The following PMM1 variants were observed in gnomAD, a reference collection of about 807,000 sequenced individuals.
PMM1 encodes the protein phosphomannomutase 1, also known as brain glucose-1,6-bisphosphatase.
In PMM1, 25 loss-of-function variants were observed where a neutral mutation model predicts 34.0. The ratio of observed to expected loss-of-function variants is 0.73; its 90% CI spans 0.54 to 1.03. The LOEUF is 1.03. Ranked by LOEUF, PMM1 falls within the 50% of genes least tolerant of loss-of-function variation. PMM1 has a pLI of 0.00. For synonymous variants in PMM1, 134 were observed against 143.9 expected (o/e 0.93, Z 0.49); for missense variants, 321 against 350.1 (o/e 0.92, Z 0.66).
In PMM1 at chr22:41,586,157, G is replaced by C; in HGVS notation, c.124C>G (p.Leu42Val). ...DPEVAAFLQK[L>V]RSRVQIGVVG... is the part of the protein sequence containing the mutation. ...ACACCGATCTGCACTCTACTTCGTA[G>C]CTTCTGCAGGAAGGCGGCCACCTCA... The change falls in exon 2 of 8, where the codon CTA becomes GTA. Residue 42 changes from leucine (L) to valine (V), a missense_variant. Transcript: ENST00000216259. 2 of 1,612,332 alleles carry C rather than the reference G, an allele frequency of 1.2e-6. No individual in the cohort carries two copies. Among genetic ancestry groups the C allele is most frequent in the Non-Finnish European group, 1.7e-6 (2 of 1,179,562 alleles).
rs1303980879 is a variant in PMM1, at chr22:41,577,459, C to G, written c.667-19G>C. 6.2e-7 allele frequency: 1 copy of G among 1,604,674 alleles called. No homozygotes were observed. The highest frequency in any genetic ancestry group is 1.7e-5 in the Admixed American group (1 of 59,148). Reference sequence around the variant, plus strand: ...TCCCACCCTGCACACAGAGGATGGGCAGAGGAGGGATATTTAGGTGGAGTC... The same window carrying G: ...TCCCACCCTGCACACAGAGGATGGGGAGAGGAGGGATATTTAGGTGGAGTC... On this transcript the variant is annotated intron_variant, in intron 7 of 7. Coordinates refer to ENST00000216259, the MANE Select transcript of PMM1 (RefSeq NM_002676.3).
At chr22:41,580,593 C>T (rs935809484) in intron 5 of PMM1, 1 of 152,124 alleles carries the variant, frequency 6.6e-6, no homozygotes, top group African/African-American at 2.4e-5. Context: ...AGAGCTGGGA[C>T]TGGGAACCTG....
chr22:41,585,350 C>T (rs2067295644), intron 2 of PMM1: 1 of 152,118 alleles, frequency 6.6e-6, no homozygotes. Flanking sequence ...CAGAGTCATC[C>T]TCTGTTAAAT....
intron 3 of PMM1, 61 bp downstream of exon 3, chr22:41,584,466 C>G (rs2067284856): frequency 5.1e-6 from 8 of 1,576,010 alleles, no homozygotes; most frequent in Non-Finnish European, 6.1e-6. Context: ...CAGAAGCCCC[C>G]TTGGACTGCT....
At chr22:41,584,690 A>G in intron 2 of PMM1, 87 bp from the exon 3 acceptor site, 2 of 953,040 alleles carry the variant, frequency 2.1e-6, no homozygotes, top group Non-Finnish European at 1.6e-6. Context: ...GAGGAAGCCT[A>G]CACCCTTGGT....
At position 41,578,817 on chromosome 22, in the gene PMM1, C is replaced by CT. The variant is rs1159442819; in HGVS notation, c.538dup (p.Arg180LysfsTer11). On this transcript the variant is annotated frameshift_variant, in exon 6 of 8. Transcript: ENST00000216259. LOFTEE classifies it high-confidence loss of function. ...CAGGGTGGACGTACCTCGAGAGAAC[C>CT]TCAGCCCTTTGCCAGCAAACTCTGT... 1.9e-6 allele frequency: 3 copies of CT among 1,613,860 alleles called. No individual in the cohort carries two copies. Among genetic ancestry groups the CT allele is most frequent in the African/African-American group, 2.7e-5 (2 of 74,902 alleles).
chr22:41,589,335 C>T, intron 1 of PMM1: 2 of 434,710 alleles, frequency 4.6e-6, no homozygotes, highest in South Asian at 3.7e-5. Context: ...CCAGCTCCGA[C>T]CACTGGTGTG....
intron 1 of PMM1, chr22:41,589,108 T>A: frequency 7.7e-7 from 1 of 1,304,194 alleles, no homozygotes; most frequent in Non-Finnish European, 1.0e-6. Flanking sequence ...GCCTCTCACA[T>A]CCGGGTGGGT....
In PMM1 at chr22:41,577,401, C is replaced by A. The variant is rs1316289129; in HGVS notation, c.706G>T (p.Val236Phe). The change falls in exon 8 of 8, where the codon GTT becomes TTT. Residue 236 changes from valine (V) to phenylalanine (F), a missense_variant. By Grantham distance (50) the Val-to-Phe change is conservative (BLOSUM62 -1). Transcript: ENST00000216259. Reference protein sequence around the residue: ...DFEIFADPRTVGHSVVSPQDT... With the variant: ...DFEIFADPRTFGHSVVSPQDT... ...TGAGGAGACACCACGCTGTGGCCAA[C>A]AGTCCGGGGGTCGGCAAAGATCTCA... 1.2e-6 allele frequency: 2 copies of A among 1,612,738 alleles called. No individual in the cohort carries two copies. The highest frequency in any genetic ancestry group is 3.3e-5 in the Admixed American group (2 of 60,016).
intron 5 of PMM1, among the ~76,000 whole-genome samples, chr22:41,582,392 G>A (rs1280167567): frequency 1.3e-5 from 2 of 152,034 alleles, no homozygotes; most frequent in African/African-American, 4.8e-5. Context: ...CTGAGAGATC[G>A]AGGCTGCAGT....
intron 1 of PMM1, chr22:41,586,472 T>G: frequency 2.5e-6 from 1 of 402,738 alleles, no homozygotes; most frequent in Non-Finnish European, 4.2e-6. Context: ...AAAAAAAAAA[T>G]TTTTTTGGAG....
At chr22:41,584,248 C>G in intron 4 of PMM1, 33 bp downstream of exon 4, 1 of 1,590,690 alleles carries the variant, frequency 6.3e-7, no homozygotes, top group South Asian at 1.1e-5. Flanking sequence ...CCTCAGGCCC[C>G]AGGTTCTGGA....
chr22:41,586,285 C>T (rs936949848), intron 1 of PMM1, 92 bp from the exon 2 acceptor site: 2 of 1,575,070 alleles, frequency 1.3e-6, no homozygotes, highest in African/African-American at 2.7e-5. Flanking sequence ...ACCCAGGAAG[C>T]CCACATTCTA....
chr22:41,581,480 T>C (rs907125068), intron 5 of PMM1, among the ~76,000 whole-genome samples: 5 of 152,188 alleles, frequency 3.3e-5, no homozygotes, highest in African/African-American at 1.2e-4. Flanking sequence ...CAACTCCCTA[T>C]GTGACCTCGG....
At chr22:41,584,461 G>A (rs1432114526) in intron 3 of PMM1, 66 bp downstream of exon 3, 21 of 1,570,536 alleles carry the variant, frequency 1.3e-5, no homozygotes, top group Non-Finnish European at 1.8e-5. Context: ...CAGGACAGAA[G>A]CCCCCTTGGA....
intron 1 of PMM1, chr22:41,588,551 C>T (rs981340705): frequency 3.0e-6 from 2 of 672,992 alleles, no homozygotes; most frequent in Non-Finnish European, 1.8e-6. Context: ...GACGGGGTTT[C>T]ACCATGTTAG....
At position 41,589,749 on chromosome 22, in the gene PMM1, G is replaced by C; in HGVS notation, c.57C>G (p.Asp19Glu). 2 of 1,612,086 alleles carry C rather than the reference G, an allele frequency of 1.2e-6. No homozygotes were observed. Among genetic ancestry groups the C allele is most frequent in the East Asian group, 2.2e-5 (1 of 44,864 alleles). ...RRKERVLCLFDVDGTLTPARQ... is the reference protein window; with the variant it reads ...RRKERVLCLFEVDGTLTPARQ... ...GAGCCGGCGTGAGGGTCCCGTCCAC[G>C]TCAAACAGGCAGAGGACGCGCTCCT... Residue 19 changes from aspartate (D) to glutamate (E), a missense_variant, in exon 1 of 8, where the codon GAC (aspartate) becomes GAG (glutamate). By Grantham distance (45) the Asp-to-Glu change is conservative (BLOSUM62 2). Transcript: ENST00000216259.
At chr22:41,583,396 C>T (rs542939941) in intron 5 of PMM1, among the ~76,000 whole-genome samples, 3 of 152,090 alleles carry the variant, frequency 2.0e-5, no homozygotes, top group Admixed American at 6.6e-5. Flanking sequence ...GCAGGAGAAT[C>T]GCTTGAACAC....
At chr22:41,589,254 G>T in intron 1 of PMM1, 2 of 531,526 alleles carry the variant, frequency 3.8e-6, no homozygotes, top group Non-Finnish European at 7.0e-6. Flanking sequence ...ACTCCGAGAC[G>T]CCCTGTCTCC....
Sources: allele counts gnomAD v4.1 joint callset (sites outside exome capture counted in the v4.1 genomes callset), GRCh38; gene constraint gnomAD v4.1.1; transcripts MANE v1.5; gene names NCBI Gene and HGNC (gene_info 2026-07-23, HGNC 2026-07-21).